Variants in ZNF710 observed in about 807,000 individuals in gnomAD.
The protein encoded by ZNF710 is zinc finger protein 710.
In ZNF710, 13 loss-of-function variants were observed where a neutral mutation model predicts 50.6. The ratio of observed to expected loss-of-function variants is 0.26; its 90% CI spans 0.17 to 0.41. The LOEUF is 0.41. Among genes scored for constraint, ZNF710 ranks in the 10% least tolerant of loss-of-function variants. ZNF710 has a pLI of 1.00. For missense variants in ZNF710, 721 were observed against 936.6 expected, an observed-to-expected ratio of 0.77 and a Z score of 3.01; for synonymous variants, 383 against 397.0, an observed-to-expected ratio of 0.96 and a Z score of 0.42.
At position 90,059,312 on chromosome 15, in the gene ZNF710, G is replaced by A. The variant is rs1456446954; in HGVS notation, c.-28-7798G>A. On this transcript the variant is annotated intron_variant, in intron 1 of 4. Coordinates refer to ENST00000268154, the MANE Select transcript of ZNF710 (RefSeq NM_198526.4). The surrounding 1 kb of genome is among the most constrained non-coding windows in gnomAD (Gnocchi z 4.1). ...GGAGCCATCTTGGGCAGCAAATGAA[G>A]GCATGGGCAGTGCATCCCGCCTACC... Among the ~76,000 whole-genome samples, 2 of 152,192 alleles carry A rather than the reference G, an allele frequency of 1.3e-5. No individual in the cohort carries two copies. The highest frequency in any genetic ancestry group is 4.8e-5 in the African/African-American group (2 of 41,432).
intron 1 of ZNF710, among the ~76,000 whole-genome samples, chr15:90,004,544 G>C (rs1031204389): frequency 6.6e-6 from 1 of 152,210 alleles, no homozygotes; most frequent in African/African-American, 2.4e-5. Flanking sequence ...TGGGCCTGCT[G>C]TTAATGGTGC....
upstream of ZNF710, among the ~76,000 whole-genome samples, chr15:90,000,296 G>A (rs974979802): frequency 6.6e-6 from 1 of 152,254 alleles, no homozygotes; most frequent in African/African-American, 2.4e-5. Flanking sequence ...GCCCTGCGTT[G>A]CAGTCGAGAA....
intron 1 of ZNF710, among the ~76,000 whole-genome samples, chr15:90,042,209 T>G (rs901167315): frequency 1.1e-4 from 16 of 152,240 alleles, no homozygotes; most frequent in African/African-American, 3.6e-4. Flanking sequence ...TGTGCCTCTT[T>G]GTATTTTCCA....
chr15:90,025,161 G>A (rs1283038035), intron 1 of ZNF710: 1 of 152,178 alleles, frequency 6.6e-6, no homozygotes. Flanking sequence ...GGGCACCCCT[G>A]AAAATGAATT....
intron 4 of ZNF710, among the ~76,000 whole-genome samples, chr15:90,079,311 G>C (rs1900665790): frequency 6.6e-6 from 1 of 152,258 alleles, no homozygotes; most frequent in Admixed American, 6.5e-5. Context: ...CCCGTGGCCA[G>C]AGAAACATTG....
At chr15:90,007,980 C>A (rs1286516143) in intron 1 of ZNF710, among the ~76,000 whole-genome samples, 1 of 151,990 alleles carries the variant, frequency 6.6e-6, no homozygotes. Flanking sequence ...AATTAGAAAA[C>A]AAAACTGCTG....
At chr15:90,002,047 G>A (rs1186570186) in intron 1 of ZNF710, among the ~76,000 whole-genome samples, 2 of 151,094 alleles carry the variant, frequency 1.3e-5, no homozygotes, top group Non-Finnish European at 3.0e-5. Flanking sequence ...GGCGCGGGAG[G>A]CCCGGGAGGC....
Position 90,062,996 on chromosome 15 carries a change from C to G in ZNF710, c.-28-4114C>G, listed in dbSNP as rs189013861. On this transcript the variant is annotated intron_variant, in intron 1 of 4. Coordinates refer to ENST00000268154, the MANE Select transcript of ZNF710 (RefSeq NM_198526.4). The surrounding 1 kb of genome is among the most constrained non-coding windows in gnomAD (Gnocchi z 5.6). ...GGCCAGTGTAAAAGAAAGCGTGGGG[C>G]CAACTGCCCAGGTGGGCAGTGGCTC... Among the ~76,000 whole-genome samples, 1 of 152,108 alleles carries G rather than the reference C, an allele frequency of 6.6e-6. No homozygotes were observed. The highest frequency in any genetic ancestry group is 1.5e-5 in the Non-Finnish European group (1 of 68,024).
intron 1 of ZNF710, among the ~76,000 whole-genome samples, chr15:90,002,157 C>T (rs912582907): frequency 6.6e-6 from 1 of 151,538 alleles, no homozygotes; most frequent in Admixed American, 6.6e-5. Flanking sequence ...CCCCTCGCCG[C>T]CCCGCCCCTA....
At chr15:90,047,590 C>CTT (rs11452913) in intron 1 of ZNF710, among the ~76,000 whole-genome samples, 51,251 of 140,750 alleles carry the variant, frequency 0.36, 10,605 homozygotes, top group East Asian at 0.55. Context: ...TTTCTTTTTT[C>CTT]TTTTTTTTTT....
intron 1 of ZNF710, among the ~76,000 whole-genome samples, chr15:90,002,961 T>A (rs1279943922): frequency 6.6e-6 from 1 of 151,970 alleles, no homozygotes; most frequent in Non-Finnish European, 1.5e-5. Context: ...GCAGCCTCCG[T>A]CTCCCGGGTT....
intron 1 of ZNF710, among the ~76,000 whole-genome samples, chr15:90,022,268 C>T (rs1232586163): frequency 2.8e-5 from 4 of 142,952 alleles, no homozygotes; most frequent in African/African-American, 5.2e-5. Context: ...CCCAGCTACT[C>T]AGGAGGCTGA....
At chr15:90,075,970 C>T (rs1345634398) in intron 4 of ZNF710, 1 of 152,204 alleles carries the variant, frequency 6.6e-6, no homozygotes, top group African/African-American at 2.4e-5. Flanking sequence ...CCCACTGGAC[C>T]AGACTAGTGC....
chr15:90,044,570 G>A (rs1415609427), intron 1 of ZNF710, among the ~76,000 whole-genome samples: 3 of 152,234 alleles, frequency 2.0e-5, no homozygotes, highest in African/African-American at 7.2e-5. Flanking sequence ...TGTGTCCCAC[G>A]CATCAGAGGG....
chr15:89,998,896 T>C (rs1897964298), upstream of ZNF710, among the ~76,000 whole-genome samples: 1 of 152,230 alleles, frequency 6.6e-6, no homozygotes, highest in South Asian at 2.1e-4. Context: ...AGTTATTCAC[T>C]GAAGTTATGT....
At chr15:90,036,470 G>A (rs1462250636) in intron 1 of ZNF710, among the ~76,000 whole-genome samples, 1 of 152,006 alleles carries the variant, frequency 6.6e-6, no homozygotes, top group East Asian at 1.9e-4. Context: ...GTGGCCTCTG[G>A]CTCTGTCCAG....
rs1181715270 is a variant in ZNF710, at chr15:90,081,987, C to A, written c.*2158C>A. The stretch of plus-strand genomic sequence containing the variant: ...GGTCTTGGCAAGGCTCCTGTCTGTA[C>A]CCCTCCCTAACCTTCTCAAAAGAGG... On this transcript the variant is annotated 3_prime_UTR_variant, in exon 5 of 5. Transcript: ENST00000268154. The A allele has an allele frequency of 6.6e-6, 1 of 152,258 alleles. No individual in the cohort carries two copies. The highest frequency in any genetic ancestry group is 1.5e-5 in the Non-Finnish European group (1 of 68,098). The allele number at this position is 152,258 out of a possible 1,614,324, so 9.4% of individuals were successfully genotyped here.
intron 1 of ZNF710, among the ~76,000 whole-genome samples, chr15:90,004,296 G>A (rs1898084588): frequency 6.6e-6 from 1 of 152,190 alleles, no homozygotes; most frequent in Non-Finnish European, 1.5e-5. Flanking sequence ...GCAGAGTTGT[G>A]TTTGGAAAGA....
intron 1 of ZNF710, among the ~76,000 whole-genome samples, chr15:90,035,844 A>C (rs1198828701): frequency 2.0e-5 from 3 of 152,226 alleles, no homozygotes; most frequent in Non-Finnish European, 4.4e-5. Flanking sequence ...CATGTTTAAA[A>C]GTCAGTAAAA....
Sources: gnomAD v4.1 joint callset for allele counts (sites outside exome capture counted in the v4.1 genomes callset) on GRCh38, gnomAD v4.1.1 for gene constraint, Gnocchi (gnomAD v3.1) non-coding constraint, MANE v1.5 for transcripts, NCBI Gene and HGNC (gene_info 2026-07-23, HGNC 2026-07-21) for gene names.